CDH13: variants seen among roughly 807,000 people sequenced by gnomAD.
The protein encoded by CDH13 is cadherin-13.
In CDH13, 24 loss-of-function variants were observed where a neutral mutation model predicts 63.8. That is an observed-to-expected ratio of 0.38 (90% confidence interval 0.27 to 0.53). The LOEUF is 0.53. Ranked by LOEUF, CDH13 falls within the 20% of genes least tolerant of loss-of-function variation. The pLI is 0.85. For synonymous variants in CDH13, 503 were observed against 355.3 expected (o/e 1.42, Z -4.67); for missense variants, 1,049 against 903.1 (o/e 1.16, Z -2.07).
chr16:82,978,069 T>C (rs971690139), intron 2 of CDH13, among the ~76,000 whole-genome samples: 4 of 152,158 alleles, frequency 2.6e-5, no homozygotes, highest in African/African-American at 9.7e-5. Flanking sequence ...TCCCCTGCCC[T>C]AGAGATCTCT....
rs565580763 is a variant in CDH13 at position 83,019,792 on chromosome 16, G to A, written c.158-12218G>A. On this transcript the variant is annotated intron_variant, in intron 2 of 13. Coordinates refer to ENST00000567109, the MANE Select transcript of CDH13 (RefSeq NM_001257.5). The stretch of plus-strand genomic sequence containing the variant: ...ATTACAAGCGTGAGCCACCATGCCC[G>A]GCCAGTAAACCTTTTCTTAATGGGT... Among the ~76,000 whole-genome samples the A allele has an allele frequency of 1.7e-4, 25 of 146,950 alleles. No individual in the cohort carries two copies. In the South Asian group the frequency reaches 3.7e-3, roughly 22 times the overall value.
intron 5 of CDH13, among the ~76,000 whole-genome samples, chr16:83,264,822 C>A (rs1436244095): frequency 6.6e-6 from 1 of 151,664 alleles, no homozygotes; most frequent in Non-Finnish European, 1.5e-5. Flanking sequence ...TTATAATTTT[C>A]ACTTATAAAC....
intron 5 of CDH13, among the ~76,000 whole-genome samples, chr16:83,260,748 C>T (rs1468023622): frequency 6.6e-6 from 1 of 152,150 alleles, no homozygotes; most frequent in Non-Finnish European, 1.5e-5. Context: ...CCTTCAAGGG[C>T]ATCTTATTGT....
In CDH13 at chr16:82,814,527, G is replaced by A. The variant is rs1228305612; in HGVS notation, c.46-43835G>A. ...AGGACAGGGGTTAAAGGGCTTCCAG[G>A]TTGCTGAACCCATGGAGGTTTCTGG... On this transcript the variant is annotated intron_variant, in intron 1 of 13. Transcript: ENST00000567109. Among the ~76,000 whole-genome samples, 7 of 152,274 alleles carry A rather than the reference G, an allele frequency of 4.6e-5. No individual in the cohort carries two copies. In the East Asian group the frequency reaches 9.7e-4, roughly 21 times the overall value.
At chr16:83,128,693 C>G (rs553750643) in intron 4 of CDH13, among the ~76,000 whole-genome samples, 1 of 152,244 alleles carries the variant, frequency 6.6e-6, no homozygotes, top group Non-Finnish European at 1.5e-5. Flanking sequence ...AATTTTCTCA[C>G]AAGCCTCTTT....
intron 1 of CDH13, among the ~76,000 whole-genome samples, chr16:82,817,063 C>A (rs77471810): frequency 6.6e-6 from 1 of 152,050 alleles, no homozygotes; most frequent in Non-Finnish European, 1.5e-5. Context: ...TAGAAATCAA[C>A]CAAGTGCATT....
At chr16:83,058,664 C>T (rs545545395) in intron 3 of CDH13, among the ~76,000 whole-genome samples, 1 of 152,114 alleles carries the variant, frequency 6.6e-6, no homozygotes, top group Admixed American at 6.5e-5. Context: ...GTGTAAGTGT[C>T]TCCTGTGTAA....
At chr16:83,513,031 A>G (rs1343857985) in intron 7 of CDH13, among the ~76,000 whole-genome samples, 1 of 152,146 alleles carries the variant, frequency 6.6e-6, no homozygotes, top group African/African-American at 2.4e-5. Context: ...AAAGAAGAAA[A>G]AAAAAAAGGC....
intron 8 of CDH13, among the ~76,000 whole-genome samples, chr16:83,623,331 A>C (rs758893862): frequency 1.3e-4 from 19 of 151,860 alleles, no homozygotes; most frequent in Non-Finnish European, 2.4e-4. Flanking sequence ...CTTTTCTTTC[A>C]CTTGGGCCCT....
chr16:83,580,372 A>G lies in CDH13; in HGVS notation c.961-22082A>G, dbSNP rs116039797. On this transcript the variant is annotated intron_variant, in intron 7 of 13. Transcript: ENST00000567109. ...AATTGATCAACTTAGTAATTGATTAAATTGGTCCAGGAAGGTCCAAAATCT... is the reference window on the plus strand; with the variant it reads ...AATTGATCAACTTAGTAATTGATTAGATTGGTCCAGGAAGGTCCAAAATCT... 4.3e-3 allele frequency among the ~76,000 whole-genome samples: 647 copies of G among 151,592 alleles called. 5 individuals are homozygous for G. The highest frequency in any genetic ancestry group is 0.015 in the African/African-American group (614 of 41,388).
At chr16:83,226,946 G>T (rs963685704) in intron 5 of CDH13, among the ~76,000 whole-genome samples, 1 of 152,232 alleles carries the variant, frequency 6.6e-6, no homozygotes, top group Non-Finnish European at 1.5e-5. Flanking sequence ...TGGTAAAAAT[G>T]AGAAGGGAGA....
chr16:83,477,534 C>T (rs2073637419), intron 6 of CDH13, among the ~76,000 whole-genome samples: 1 of 152,094 alleles, frequency 6.6e-6, no homozygotes, highest in South Asian at 2.1e-4. Context: ...TATCTCGTGC[C>T]CGTTTAGTCA....
At chr16:82,780,843 G>A (rs922136415) in intron 1 of CDH13, among the ~76,000 whole-genome samples, 7 of 152,206 alleles carry the variant, frequency 4.6e-5, no homozygotes, top group Admixed American at 1.3e-4. Flanking sequence ...AATAAAAACT[G>A]TAATAACCCG....
chr16:83,607,822 A>G (rs1908485339), intron 8 of CDH13, among the ~76,000 whole-genome samples: 1 of 152,350 alleles, frequency 6.6e-6, no homozygotes, highest in Non-Finnish European at 1.5e-5. Context: ...GAGAAAATCT[A>G]GTTAAACTCT....
chr16:83,562,609 T>A (rs1285541535), intron 7 of CDH13, among the ~76,000 whole-genome samples: 1 of 152,220 alleles, frequency 6.6e-6, no homozygotes, highest in Non-Finnish European at 1.5e-5. Flanking sequence ...ATATCTTAAG[T>A]GAATAGATTG....
chr16:82,722,494 G>A (rs928220305), intron 1 of CDH13, among the ~76,000 whole-genome samples: 8 of 152,144 alleles, frequency 5.3e-5, no homozygotes, highest in African/African-American at 1.9e-4. Context: ...CCATGAACAC[G>A]GTACAGGTAC....
chr16:82,692,963 G>A (rs918644999), intron 1 of CDH13, among the ~76,000 whole-genome samples: 7 of 152,086 alleles, frequency 4.6e-5, no homozygotes, highest in East Asian at 1.9e-4. Context: ...TTCTGTGATC[G>A]TTTTACAAAA....
chr16:83,246,120 A>T (rs1904967872), intron 5 of CDH13, among the ~76,000 whole-genome samples: 1 of 152,174 alleles, frequency 6.6e-6, no homozygotes, highest in Admixed American at 6.5e-5. Context: ...CAAGATTTAG[A>T]ATAGGGTTTT....
chr16:83,670,760 A>AG, intron 8 of CDH13, 30 bp from the exon 9 acceptor site: 1 of 1,607,916 alleles, frequency 6.2e-7, no homozygotes, highest in South Asian at 1.1e-5. Flanking sequence ...TTTTCAAAAT[A>AG]GTGACCATTA....
Sources: gnomAD v4.1 joint callset for allele counts (sites outside exome capture counted in the v4.1 genomes callset) on GRCh38, gnomAD v4.1.1 for gene constraint, MANE v1.5 for transcripts, NCBI Gene and HGNC (gene_info 2026-07-23, HGNC 2026-07-21) for gene names.